The following HYDIN variants were observed in gnomAD, a reference collection of about 807,000 sequenced individuals.
The protein encoded by HYDIN is axonemal central pair apparatus protein HYDIN.
In HYDIN, 132 loss-of-function variants were observed where a neutral mutation model predicts 403.9. The ratio of observed to expected loss-of-function variants is 0.33; its 90% confidence interval spans 0.28 to 0.38. The LOEUF (loss-of-function observed/expected upper bound fraction) is 0.38. HYDIN is among the 10% of genes least tolerant of loss of function. The pLI, the probability that HYDIN is intolerant of heterozygous loss-of-function variation, is 1.00. For missense variants in HYDIN, 2,827 were observed against 5,009.5 expected, an observed-to-expected ratio of 0.56 and a Z score of 13.15; for synonymous variants, 1,202 against 1,891.7, an observed-to-expected ratio of 0.64 and a Z score of 9.46.
At chr16:71,039,198 G>A (rs899685769) in intron 18 of HYDIN, among the ~76,000 whole-genome samples, 3 of 151,784 alleles carry the variant, frequency 2.0e-5, no homozygotes, top group East Asian at 1.9e-4. Context: ...TCTAGGTTTC[G>A]GTTTCCTTTT....
At chr16:71,011,303 A>G (rs1472291349) in intron 23 of HYDIN, among the ~76,000 whole-genome samples, 1 of 152,224 alleles carries the variant, frequency 6.6e-6, no homozygotes, top group Non-Finnish European at 1.5e-5. Context: ...AGTCAACTGC[A>G]GCACAAGGTC....
In HYDIN at chr16:70,806,304, G is replaced by C. The variant is rs2035103936; in HGVS notation, c.*1276C>G. Among the ~76,000 whole-genome samples, 1 of 152,144 alleles carries C rather than the reference G, an allele frequency of 6.6e-6. No individual in the cohort carries two copies. Among genetic ancestry groups the C allele is most frequent in the Non-Finnish European group, 1.5e-5 (1 of 68,014 alleles). On this transcript the variant is annotated 3_prime_UTR_variant, in exon 86 of 86. Coordinates refer to ENST00000393567, the MANE Select transcript of HYDIN (RefSeq NM_001270974.2). ...CTGGGCACCTTGGAATGTATCCCCTGAGGATGAGGGAGGACTATTGTAAAG... is the reference window on the plus strand; with the variant it reads ...CTGGGCACCTTGGAATGTATCCCCTCAGGATGAGGGAGGACTATTGTAAAG...
At chr16:71,035,357 C>T (rs1343689420) in intron 18 of HYDIN, among the ~76,000 whole-genome samples, 1 of 69,112 alleles carries the variant, frequency 1.4e-5, no homozygotes, top group Non-Finnish European at 3.1e-5. Context: ...CACTAAAATC[C>T]TCTAACACAT....
chr16:71,118,035 G>A (rs976012225), intron 9 of HYDIN, among the ~76,000 whole-genome samples: 11 of 152,216 alleles, frequency 7.2e-5, no homozygotes, highest in South Asian at 2.1e-4. Flanking sequence ...AGTTAGAAAC[G>A]TGGTGCCTCC....
chr16:71,046,396 G>T (rs570706349), intron 18 of HYDIN, among the ~76,000 whole-genome samples: 2 of 152,148 alleles, frequency 1.3e-5, no homozygotes, highest in African/African-American at 4.8e-5. Flanking sequence ...ACATATGTAA[G>T]GCAACTGTGC....
chr16:71,026,805 C>G (rs1336200205), intron 20 of HYDIN, among the ~76,000 whole-genome samples: 3 of 152,170 alleles, frequency 2.0e-5, no homozygotes. Context: ...AGCTTTCCAG[C>G]TGTGTCTACT....
intron 38 of HYDIN, among the ~76,000 whole-genome samples, chr16:70,960,865 G>A (rs539601497): frequency 1.2e-4 from 19 of 152,070 alleles, no homozygotes; most frequent in African/African-American, 3.9e-4. Context: ...CTAATTTTTT[G>A]TATTTTTAGT....
chr16:70,963,168 G>A (rs1489981764), intron 37 of HYDIN, among the ~76,000 whole-genome samples: 3 of 151,586 alleles, frequency 2.0e-5, no homozygotes, highest in Non-Finnish European at 4.4e-5. Context: ...ATGACTGTGA[G>A]CTCTCAAAGG....
intron 1 of HYDIN, among the ~76,000 whole-genome samples, chr16:71,222,892 A>G (rs142556566): frequency 1.3e-5 from 2 of 152,348 alleles, no homozygotes; most frequent in Admixed American, 6.5e-5. Context: ...GGAAGAATCA[A>G]CATTGTGAAA....
At chr16:71,030,700 G>A (rs1362072966) in intron 19 of HYDIN, among the ~76,000 whole-genome samples, 1 of 152,206 alleles carries the variant, frequency 6.6e-6, no homozygotes, top group Non-Finnish European at 1.5e-5. Flanking sequence ...CAAACTGCTA[G>A]GATTATAGGC....
intron 55 of HYDIN, 148 bp from the exon 56 acceptor site, chr16:70,892,677 C>T (rs550651315): frequency 1.6e-4 from 101 of 643,660 alleles, no homozygotes; most frequent in Non-Finnish European, 2.0e-4. Flanking sequence ...CTTTGTACAT[C>T]GTGATCGCCT....
intron 45 of HYDIN, among the ~76,000 whole-genome samples, chr16:70,925,061 C>G (rs940666998): frequency 2.6e-5 from 4 of 152,138 alleles, no homozygotes; most frequent in South Asian, 2.1e-4. Flanking sequence ...TGATCTCAGT[C>G]CTGATTGAGT....
rs759981441 is a variant in HYDIN, at chr16:70,884,096, A to G, written c.9803T>C (p.Val3268Ala). ...QARFAHGMFT[V>A]YPGFGSIPSG... The stretch of plus-strand genomic sequence containing the variant: ...AGGAATGGAGCCAAACCCAGGGTAC[A>G]CGGTGAACATGCCATGGGCGAAGCG... Residue 3268 changes from valine to alanine, a missense_variant, in exon 59 of 86, where the codon GTG (valine) becomes GCG (alanine). Physicochemically the swap from Val to Ala is moderately conservative, Grantham distance 64 (BLOSUM62 0). Coordinates refer to ENST00000393567, the MANE Select transcript of HYDIN (RefSeq NM_001270974.2). The G allele has an allele frequency of 1.9e-5, 31 of 1,604,910 alleles. No individual in the cohort carries two copies. The highest frequency in any genetic ancestry group is 1.6e-4 in the East Asian group (7 of 44,524).
At position 71,213,678 on chromosome 16, in the gene HYDIN, TTATA is replaced by T. The variant is rs534755665; in HGVS notation, c.-24+16880_-24+16883del. 1.9e-3 allele frequency among the ~76,000 whole-genome samples: 289 copies of T among 152,204 alleles called. 1 individual carries two copies. The highest frequency in any genetic ancestry group is 6.8e-3 in the Middle Eastern group (2 of 294). On this transcript the variant is annotated intron_variant, in intron 1 of 85. Transcript: ENST00000393567. Reference sequence around the variant, plus strand: ...AATGTAGTTCAACATTCAACAAAAATTATATATAGCCTCAACAGATGCAGAAAAA... The same window carrying T: ...AATGTAGTTCAACATTCAACAAAAATTATAGCCTCAACAGATGCAGAAAAA...
chr16:70,967,711 C>A (rs2078622397), intron 36 of HYDIN, among the ~76,000 whole-genome samples: 1 of 152,156 alleles, frequency 6.6e-6, no homozygotes, highest in African/African-American at 2.4e-5. Context: ...TGGTCTCGAT[C>A]TCCTGACCTT....
rs1450117845 is a variant in HYDIN, at chr16:70,804,335, C to CAGTGGGGATGCAGCAGAGAA, written c.*3225_*3244dup. ...GCAGTAACAGACCAATGCACAGAGA[C>CAGTGGGGATGCAGCAGAGAA]AGTGGGGATGCAGCAGAGAAAGTGA... On this transcript the variant is annotated 3_prime_UTR_variant, in exon 86 of 86. Coordinates refer to ENST00000393567, the MANE Select transcript of HYDIN (RefSeq NM_001270974.2). 6.6e-6 allele frequency among the ~76,000 whole-genome samples: 1 copy of CAGTGGGGATGCAGCAGAGAA among 152,158 alleles called. No individual in the cohort carries two copies. Among genetic ancestry groups the CAGTGGGGATGCAGCAGAGAA allele is most frequent in the East Asian group, 1.9e-4 (1 of 5,176 alleles).
rs1319663342 is a variant in HYDIN, at chr16:70,989,582, C to T, written c.3865-1070G>A. ...ATTTGTATTCTGATTTTTCAGTTGA[C>T]CTAATATGAGTGCCATCTTCCCATA... On this transcript the variant is annotated intron_variant, in intron 25 of 85. Coordinates refer to ENST00000393567, the MANE Select transcript of HYDIN (RefSeq NM_001270974.2). Among the ~76,000 whole-genome samples the T allele has an allele frequency of 2.6e-5, 4 of 152,050 alleles. No homozygotes were observed. The East Asian group carries it at 7.7e-4, about 29-fold the overall frequency.
chr16:71,198,386 T>C (rs1014071888), intron 1 of HYDIN, among the ~76,000 whole-genome samples: 6 of 152,176 alleles, frequency 3.9e-5, no homozygotes, highest in Non-Finnish European at 8.8e-5. Flanking sequence ...GGAAAGAAAC[T>C]GCTAGATCAT....
intron 41 of HYDIN, among the ~76,000 whole-genome samples, chr16:70,944,605 C>G (rs1788403868): frequency 6.6e-6 from 1 of 152,122 alleles, no homozygotes; most frequent in African/African-American, 2.4e-5. Context: ...ATGGGGAAGA[C>G]AGTCAGGCTG....
Sources: gnomAD v4.1 joint callset for allele counts (sites outside exome capture counted in the v4.1 genomes callset) on GRCh38, gnomAD v4.1.1 for gene constraint, MANE v1.5 for transcripts, NCBI Gene and HGNC (gene_info 2026-07-23, HGNC 2026-07-21) for gene names.